The following THSD7B variants were observed in gnomAD, a reference collection of about 807,000 sequenced individuals.
THSD7B encodes thrombospondin type-1 domain-containing protein 7B.
Under a neutral mutation model 213.6 loss-of-function variants are expected in THSD7B, and 138 were observed. The ratio of observed to expected loss-of-function variants is 0.65; its 90% confidence interval spans 0.56 to 0.74. THSD7B has a LOEUF of 0.74. THSD7B is among the 30% of genes least tolerant of loss of function. The pLI is 0.00. For synonymous variants in THSD7B, 742 were observed against 687.0 expected, an observed-to-expected ratio of 1.08 and a Z score of -1.25; for missense variants, 1,931 against 1,991.5, an observed-to-expected ratio of 0.97 and a Z score of 0.58.
chr2:137,672,281 G>A (rs536404287), intron 27 of THSD7B, among the ~76,000 whole-genome samples: 12 of 152,196 alleles, frequency 7.9e-5, no homozygotes, highest in African/African-American at 2.4e-4. Flanking sequence ...TAATTGATCC[G>A]TAGTGAAATT....
intron 1 of THSD7B, among the ~76,000 whole-genome samples, chr2:136,795,206 T>A (rs1160892041): frequency 6.6e-6 from 1 of 151,944 alleles, no homozygotes; most frequent in African/African-American, 2.4e-5. Flanking sequence ...AAAACCGAGG[T>A]GTCAGCAGGG....
chr2:137,378,807 T>C (rs1228499851), intron 12 of THSD7B, among the ~76,000 whole-genome samples: 3 of 152,148 alleles, frequency 2.0e-5, no homozygotes, highest in Non-Finnish European at 4.4e-5. Flanking sequence ...CTGAGTAACT[T>C]GACCACAACT....
At chr2:136,918,494 CCTT>C (rs757021923) in intron 2 of THSD7B, among the ~76,000 whole-genome samples, 8 of 152,150 alleles carry the variant, frequency 5.3e-5, no homozygotes, top group Admixed American at 3.3e-4. Flanking sequence ...CTGAGCCTGT[CCTT>C]CTTATTTTTC....
intron 3 of THSD7B, among the ~76,000 whole-genome samples, chr2:137,075,217 G>T (rs1193529649): frequency 1.3e-5 from 2 of 152,110 alleles, no homozygotes; most frequent in African/African-American, 4.8e-5. Context: ...TCACTTTCAG[G>T]TACACCAGTC....
intron 12 of THSD7B, among the ~76,000 whole-genome samples, chr2:137,393,602 A>T (rs1328163936): frequency 6.8e-6 from 1 of 146,348 alleles, no homozygotes; most frequent in Non-Finnish European, 1.5e-5. Context: ...GCTATTGTGA[A>T]TAATGCCTCA....
intron 15 of THSD7B, among the ~76,000 whole-genome samples, chr2:137,560,865 G>A (rs1472995006): frequency 1.3e-5 from 2 of 152,142 alleles, no homozygotes; most frequent in East Asian, 1.9e-4. Flanking sequence ...TTATTATCTG[G>A]CTTAAAGCTG....
chr2:137,182,895 A>G (rs1680481266), intron 7 of THSD7B, among the ~76,000 whole-genome samples: 1 of 152,170 alleles, frequency 6.6e-6, no homozygotes, highest in African/African-American at 2.4e-5. Flanking sequence ...TAGGACCTAC[A>G]TCATAAATTT....
intron 12 of THSD7B, among the ~76,000 whole-genome samples, chr2:137,373,959 C>T (rs1030276496): frequency 4.6e-5 from 7 of 152,170 alleles, no homozygotes; most frequent in Non-Finnish European, 8.8e-5. Flanking sequence ...ATAGGGAATC[C>T]TTTCCCCATT....
Position 137,315,375 on chromosome 2 carries a change from G to A in THSD7B, c.2500+39349G>A, listed in dbSNP as rs145021962. On this transcript the variant is annotated intron_variant, in intron 12 of 27. Transcript: ENST00000409968. ...CTCGCCCTGCTTCGGCTCATGCACA[G>A]TGCGCGCACCCACTGACCTGCGCCC... Among the ~76,000 whole-genome samples, 100 of 152,222 alleles carry A rather than the reference G, an allele frequency of 6.6e-4. 2 individuals carry two copies. The East Asian group carries it at 0.018, about 27-fold the overall frequency.
At chr2:136,788,396 C>T (rs1308332726) in intron 1 of THSD7B, among the ~76,000 whole-genome samples, 1 of 152,116 alleles carries the variant, frequency 6.6e-6, no homozygotes. Context: ...TCCAGATATG[C>T]TGTATGAAGT....
intron 7 of THSD7B, among the ~76,000 whole-genome samples, chr2:137,217,078 C>T (rs1272256643): frequency 6.6e-6 from 1 of 152,122 alleles, no homozygotes; most frequent in African/African-American, 2.4e-5. Context: ...AGAATTGTTT[C>T]TCAACACTCC....
At chr2:136,991,021 A>C in intron 2 of THSD7B, 1 of 1,071,036 alleles carries the variant, frequency 9.3e-7, no homozygotes, top group Non-Finnish European at 1.3e-6. Context: ...TGTCCTCCCC[A>C]AAAAAGGAGA....
At chr2:137,209,480 C>T (rs1681054358) in intron 7 of THSD7B, among the ~76,000 whole-genome samples, 1 of 151,986 alleles carries the variant, frequency 6.6e-6, no homozygotes, top group South Asian at 2.1e-4. Flanking sequence ...AAACACAGAT[C>T]ACACAATTAC....
chr2:137,604,335 A>C (rs1682132261), intron 17 of THSD7B, among the ~76,000 whole-genome samples: 1 of 152,096 alleles, frequency 6.6e-6, no homozygotes, highest in African/African-American at 2.4e-5. Flanking sequence ...ACTGTCAATA[A>C]TATTTCGTTA....
chr2:137,466,522 T>C (rs944945464), intron 15 of THSD7B, among the ~76,000 whole-genome samples: 2 of 152,090 alleles, frequency 1.3e-5, no homozygotes, highest in African/African-American at 4.8e-5. Context: ...GCTTATCAGC[T>C]ATCATTAGTG....
chr2:137,343,579 C>A (rs1551279), intron 12 of THSD7B, among the ~76,000 whole-genome samples: 88,793 of 151,466 alleles, frequency 0.59, 28,135 homozygotes, highest in East Asian at 0.78. Flanking sequence ...TGTGCATGAC[C>A]GTTCTGTGCC....
intron 12 of THSD7B, among the ~76,000 whole-genome samples, chr2:137,314,164 C>A (rs1313264597): frequency 2.0e-5 from 3 of 152,160 alleles, no homozygotes; most frequent in Non-Finnish European, 2.9e-5. Context: ...TAGATTTGGT[C>A]TTTTCATATA....
At position 137,294,959 on chromosome 2, in the gene THSD7B, T is replaced by A. The variant is rs997309678; in HGVS notation, c.2500+18933T>A. Among the ~76,000 whole-genome samples, 3 of 152,164 alleles carry A rather than the reference T, an allele frequency of 2.0e-5. No individual in the cohort carries two copies. The East Asian group carries it at 5.8e-4, about 29-fold the overall frequency. ...TACTAACTTTTTAAAATTTTTTCCT[T>A]ATGAAACATTTCAAATATACAACTC... On this transcript the variant is annotated intron_variant, in intron 12 of 27. Transcript: ENST00000409968.
intron 5 of THSD7B, among the ~76,000 whole-genome samples, chr2:137,148,888 G>T (rs934085888): frequency 6.6e-6 from 1 of 152,188 alleles, no homozygotes; most frequent in Non-Finnish European, 1.5e-5. Context: ...ATTCAAGCTG[G>T]CTGCAGAAAT....
Sources: allele counts gnomAD v4.1 joint callset (sites outside exome capture counted in the v4.1 genomes callset), GRCh38; gene constraint gnomAD v4.1.1; transcripts MANE v1.5; gene names NCBI Gene and HGNC (gene_info 2026-07-23, HGNC 2026-07-21).